Variants in ERG observed in about 807,000 individuals in gnomAD.
ERG encodes the protein ETS transcription factor ERG, also known as transcriptional regulator ERG.
In ERG, 9 loss-of-function variants were observed where a neutral mutation model predicts 55.3. That is an observed-to-expected ratio of 0.16 (90% confidence interval 0.10 to 0.28). The LOEUF is 0.28. ERG is among the 10% of genes least tolerant of loss of function. The pLI is 1.00. For synonymous variants in ERG, 223 were observed against 237.3 expected, an observed-to-expected ratio of 0.94 and a Z score of 0.55; for missense variants, 434 against 631.6, an observed-to-expected ratio of 0.69 and a Z score of 3.35.
At chr21:38,465,799 A>G (rs1273040949) in intron 1 of ERG, among the ~76,000 whole-genome samples, 2 of 152,170 alleles carry the variant, frequency 1.3e-5, no homozygotes, top group Non-Finnish European at 2.9e-5. Context: ...GGCCCTAACC[A>G]CTTTACTTTG....
Position 38,572,965 on chromosome 21 carries a change from G to A in ERG, c.-41+2697C>T, listed in dbSNP as rs977839848. Among the ~76,000 whole-genome samples the A allele has an allele frequency of 1.2e-3, 187 of 152,228 alleles. 2 individuals are homozygous for A. The highest frequency in any genetic ancestry group is 4.1e-4 in the Non-Finnish European group (28 of 68,040). On this transcript the variant is annotated intron_variant, in intron 2 of 8. Coordinates refer to the ERG transcript ENST00000398897. The stretch of plus-strand genomic sequence containing the variant: ...CTGTACTTTAAACAATTGCTTTGCT[G>A]AGATGTTGTTAATTTGTAGCTTTGC...
At chr21:38,455,869 C>A (rs1477210722) in intron 1 of ERG, among the ~76,000 whole-genome samples, 1 of 134,126 alleles carries the variant, frequency 7.5e-6, no homozygotes, top group South Asian at 2.7e-4. Flanking sequence ...TTGGTACGGT[C>A]CCCCCCCTCC....
At chr21:38,391,810 T>G (rs1260096914) in intron 7 of ERG, 95 bp from the exon 8 acceptor site, 2 of 1,036,734 alleles carry the variant, frequency 1.9e-6, no homozygotes, top group Middle Eastern at 2.1e-4. Context: ...GTTAATTTAG[T>G]TATTAACATA....
At chr21:38,501,453 A>G (rs1249438029), upstream of ERG, among the ~76,000 whole-genome samples, 2 of 152,154 alleles carry the variant, frequency 1.3e-5, no homozygotes, top group Admixed American at 6.5e-5. Flanking sequence ...AGATATAGAT[A>G]TCACTCTAGC....
At chr21:38,578,663 C>A (rs3827208) in intron 1 of ERG, among the ~76,000 whole-genome samples, 2 of 151,806 alleles carry the variant, frequency 1.3e-5, no homozygotes, top group South Asian at 2.1e-4. Context: ...CCAATCACCC[C>A]ACCAAGACTA....
intron 1 of ERG, among the ~76,000 whole-genome samples, chr21:38,578,975 G>A (rs2060011856): frequency 1.3e-5 from 2 of 152,086 alleles, no homozygotes; most frequent in Non-Finnish European, 2.9e-5. Context: ...TCCCAACACA[G>A]AGACATAATA....
At chr21:38,436,949 G>A (rs535059787) in intron 2 of ERG, among the ~76,000 whole-genome samples, 7 of 147,232 alleles carry the variant, frequency 4.8e-5, no homozygotes, top group South Asian at 4.3e-4. Context: ...GTGCAGTGCC[G>A]TGATCTCAGC....
chr21:38,380,903 A>G lies in ERG; in HGVS notation c.*2500T>C. ...AAATGTGTATTTCTATGAAGAATGT[A>G]GGTGTGTCTTGACTTTGCATTCCAA... is the stretch of plus-strand genomic sequence containing the variant. On this transcript the variant is annotated 3_prime_UTR_variant, in exon 10 of 10. Coordinates refer to ENST00000288319, the MANE Select transcript of ERG (RefSeq NM_182918.4). 4 of 1,065,244 alleles carry G rather than the reference A, an allele frequency of 3.8e-6. No homozygotes were observed. The highest frequency in any genetic ancestry group is 4.5e-6 in the Non-Finnish European group (4 of 879,208). 66.0% of individuals were successfully genotyped at this position (1,065,244 alleles called of 1,614,324 possible). A position where few individuals can be genotyped will look rare whatever the true frequency, so the allele number is the denominator to read the frequency against.
intron 1 of ERG, among the ~76,000 whole-genome samples, chr21:38,469,291 T>C (rs559509831): frequency 2.5e-4 from 38 of 152,302 alleles, no homozygotes; most frequent in Middle Eastern, 3.4e-3. Context: ...GACTGACTAG[T>C]CTATCTCTCC....
At chr21:38,407,828 AAAT>A (rs1302720562) in intron 3 of ERG, among the ~76,000 whole-genome samples, 25 of 147,488 alleles carry the variant, frequency 1.7e-4, no homozygotes, top group African/African-American at 6.1e-4. Context: ...AAAGTATAAA[AAAT>A]AAAACTACTA....
intron 2 of ERG, among the ~76,000 whole-genome samples, chr21:38,541,810 G>A (rs916126011): frequency 6.6e-6 from 1 of 152,118 alleles, no homozygotes; most frequent in Non-Finnish European, 1.5e-5. Flanking sequence ...TGCATGTGTG[G>A]CCTAATATCT....
chr21:38,377,564 A>C (rs730854), downstream of ERG, among the ~76,000 whole-genome samples: 22,167 of 152,276 alleles, frequency 0.15, 2,509 homozygotes, highest in African/African-American at 0.31. Context: ...TAATAAGAGA[A>C]CTTACTTAAA....
At chr21:38,651,107 C>T (rs747731026) in intron 1 of ERG, among the ~76,000 whole-genome samples, 1 of 152,216 alleles carries the variant, frequency 6.6e-6, no homozygotes, top group South Asian at 2.1e-4. Context: ...AGCTGGCACA[C>T]AGAGTTTTGG....
intron 3 of ERG, among the ~76,000 whole-genome samples, chr21:38,419,322 C>G (rs1989433696): frequency 6.6e-6 from 1 of 152,214 alleles, no homozygotes; most frequent in African/African-American, 2.4e-5. Flanking sequence ...CCTTATCTTC[C>G]TTAGGACAAA....
upstream of ERG, among the ~76,000 whole-genome samples, chr21:38,587,898 T>C (rs1273844429): frequency 1.3e-5 from 2 of 152,240 alleles, no homozygotes; most frequent in African/African-American, 2.4e-5. Context: ...GGTTGAGACA[T>C]TGTTGGGCCT....
Position 38,380,275 on chromosome 21 carries a change from C to T in ERG, c.*3128G>A, listed in dbSNP as rs369834291. ...ACCTGCTGTCAGAGGGCAGCTCCTC[C>T]GGCTCCTGCTCCTGGGTTGCAGGTG... is the stretch of plus-strand genomic sequence containing the variant. On this transcript the variant is annotated 3_prime_UTR_variant, in exon 10 of 10. Coordinates refer to ENST00000288319, the MANE Select transcript of ERG (RefSeq NM_182918.4). 29 of 1,056,562 alleles carry T rather than the reference C, an allele frequency of 2.7e-5. No individual in the cohort carries two copies. The African/African-American group carries it at 2.8e-4, about 10-fold the overall frequency. 65.4% of individuals were successfully genotyped at this position (1,056,562 alleles called of 1,614,324 possible). A position where few individuals can be genotyped will look rare whatever the true frequency, so the allele number is the denominator to read the frequency against.
rs1987497914 is a variant in ERG, at chr21:38,382,534, C to T, written c.*869G>A. ...TCCCCTTTCTCCATTACGCTGTGTCCTTTCTCCTAACACTGGGTTTGGTAT... is the reference window on the plus strand; with the variant it reads ...TCCCCTTTCTCCATTACGCTGTGTCTTTTCTCCTAACACTGGGTTTGGTAT... On this transcript the variant is annotated 3_prime_UTR_variant, in exon 10 of 10. Coordinates refer to ENST00000288319, the MANE Select transcript of ERG (RefSeq NM_182918.4). 1 of 1,065,540 alleles carries T rather than the reference C, an allele frequency of 9.4e-7. No individual in the cohort carries two copies. 66.0% of individuals were successfully genotyped at this position (1,065,540 alleles called of 1,614,324 possible).
At chr21:38,586,304 C>T (rs558695757), upstream of ERG, among the ~76,000 whole-genome samples, 2 of 148,324 alleles carry the variant, frequency 1.3e-5, no homozygotes, top group East Asian at 2.0e-4. Context: ...TTTTGTGGTG[C>T]GAACACTTGA....
At chr21:38,490,725 G>A (rs539196063) in intron 1 of ERG, among the ~76,000 whole-genome samples, 15 of 152,352 alleles carry the variant, frequency 9.8e-5, no homozygotes, top group African/African-American at 3.4e-4. Context: ...CTAGGGCCAG[G>A]AGAGGTGCGT....
Sources: gnomAD v4.1 joint callset for allele counts (sites outside exome capture counted in the v4.1 genomes callset) on GRCh38, gnomAD v4.1.1 for gene constraint, MANE v1.5 for transcripts, NCBI Gene and HGNC (gene_info 2026-07-23, HGNC 2026-07-21) for gene names.